The following FHOD3 variants were observed in gnomAD, a reference collection of about 807,000 sequenced individuals.
FHOD3 encodes the protein FH1/FH2 domain-containing protein 3.
In FHOD3, 90 loss-of-function variants were observed where a neutral mutation model predicts 173.0. The ratio of observed to expected loss-of-function variants is 0.52; its 90% CI spans 0.44 to 0.62. The LOEUF (loss-of-function observed/expected upper bound fraction) is 0.62. Among genes scored for constraint, FHOD3 ranks in the 20% least tolerant of loss-of-function variants. FHOD3 has a pLI of 0.00. For missense variants in FHOD3, 1,945 were observed against 2,034.7 expected, an observed-to-expected ratio of 0.96 and a Z score of 0.85; for synonymous variants, 828 against 823.0, an observed-to-expected ratio of 1.01 and a Z score of -0.10.
chr18:36,511,879 T>G (rs7245226), intron 4 of FHOD3, among the ~76,000 whole-genome samples: 88,304 of 152,040 alleles, frequency 0.58, 25,654 homozygotes, highest in East Asian at 0.62. Flanking sequence ...CAGGTTAATG[T>G]CCAACCCTGC....
chr18:36,327,665 C>A (rs507163), intron 1 of FHOD3, among the ~76,000 whole-genome samples: 1 of 152,080 alleles, frequency 6.6e-6, no homozygotes, highest in Non-Finnish European at 1.5e-5. Flanking sequence ...TCTCAAATTG[C>A]GGTTTGAACC....
At chr18:36,687,800 AT>A (rs771637950) in intron 16 of FHOD3, among the ~76,000 whole-genome samples, 1 of 152,164 alleles carries the variant, frequency 6.6e-6, no homozygotes, top group African/African-American at 2.4e-5. Flanking sequence ...AAACTACTTT[AT>A]TTCTTTTTTT....
intron 5 of FHOD3, among the ~76,000 whole-genome samples, chr18:36,547,753 C>G (rs1347945192): frequency 1.3e-5 from 2 of 152,236 alleles, no homozygotes; most frequent in South Asian, 4.1e-4. Flanking sequence ...CTGTGTTCTT[C>G]ACACCCCACA....
At chr18:36,480,276 T>G (rs2053813749) in intron 3 of FHOD3, among the ~76,000 whole-genome samples, 1 of 152,216 alleles carries the variant, frequency 6.6e-6, no homozygotes, top group Admixed American at 6.5e-5. Flanking sequence ...ATTTGCTGTG[T>G]TGGAGCATCT....
intron 1 of FHOD3, among the ~76,000 whole-genome samples, chr18:36,340,926 C>T (rs181219559): frequency 8.6e-4 from 131 of 152,262 alleles, no homozygotes; most frequent in Non-Finnish European, 1.4e-3. Context: ...CGTGAGCCAC[C>T]GCGCCCGGCC....
At chr18:36,433,629 G>T (rs1599098753) in intron 3 of FHOD3, among the ~76,000 whole-genome samples, 2 of 152,322 alleles carry the variant, frequency 1.3e-5, no homozygotes, top group East Asian at 3.9e-4. Context: ...TGAACAGAAA[G>T]TGAGAGTAAG....
chr18:36,514,876 G>C (rs1049911233), intron 5 of FHOD3, among the ~76,000 whole-genome samples: 1 of 152,238 alleles, frequency 6.6e-6, no homozygotes, highest in African/African-American at 2.4e-5. Flanking sequence ...AGCTGCACGG[G>C]AGGCTGGCAG....
At chr18:36,558,058 A>G (rs960062605) in intron 5 of FHOD3, among the ~76,000 whole-genome samples, 6 of 152,244 alleles carry the variant, frequency 3.9e-5, no homozygotes, top group Admixed American at 1.3e-4. Context: ...TTTCTTTCCA[A>G]TCCTTTTGGA....
intron 3 of FHOD3, among the ~76,000 whole-genome samples, chr18:36,468,891 C>G (rs16967887): frequency 0.027 from 4,153 of 152,212 alleles, 185 homozygotes; most frequent in African/African-American, 0.095. Flanking sequence ...ACACTGAGAA[C>G]CTTTGAGGCG....
intron 3 of FHOD3, among the ~76,000 whole-genome samples, chr18:36,448,990 C>G (rs747199905): frequency 6.6e-6 from 1 of 151,910 alleles, no homozygotes; most frequent in Non-Finnish European, 1.5e-5. Flanking sequence ...AGCCATTTCT[C>G]GGTGTCCCCT....
chr18:36,633,159 G>T (rs1416156071), intron 10 of FHOD3, among the ~76,000 whole-genome samples: 3 of 152,198 alleles, frequency 2.0e-5, no homozygotes, highest in Non-Finnish European at 4.4e-5. Context: ...TTATCTTCCA[G>T]TGTTCCTAGA....
chr18:36,392,862 A>T (rs2048368018), intron 3 of FHOD3, among the ~76,000 whole-genome samples: 1 of 152,224 alleles, frequency 6.6e-6, no homozygotes, highest in Non-Finnish European at 1.5e-5. Context: ...GCCTTCTGGT[A>T]CTTACATATC....
At chr18:36,445,735 T>C (rs1206342538) in intron 3 of FHOD3, among the ~76,000 whole-genome samples, 1 of 152,184 alleles carries the variant, frequency 6.6e-6, no homozygotes, top group Non-Finnish European at 1.5e-5. Context: ...GGCCTCTGTC[T>C]CATCTTGGGT....
intron 3 of FHOD3, among the ~76,000 whole-genome samples, chr18:36,461,336 G>T (rs935147973): frequency 6.6e-6 from 1 of 152,130 alleles, no homozygotes; most frequent in African/African-American, 2.4e-5. Context: ...AAGACTGAAA[G>T]GATTTTTTTC....
chr18:36,717,835 T>C lies in FHOD3; in HGVS notation c.2537T>C (p.Leu846Ser), dbSNP rs765522220. 8.3e-6 allele frequency: 13 copies of C among 1,563,996 alleles called. No individual in the cohort carries two copies. The Admixed American group carries it at 2.4e-4, about 29-fold the overall frequency. Residue 846 changes from leucine to serine, a missense_variant, in exon 19 of 29, where the codon TTG (leucine) becomes TCG (serine). Leu to Ser is a moderately radical substitution (Grantham distance 145, BLOSUM62 -2). Around this residue, in one of 5 missense-constraint regions of FHOD3, gnomAD observed 1,099 missense variants for 1,051.2 expected, o/e 1.05. Coordinates refer to ENST00000590592, the MANE Select transcript of FHOD3 (RefSeq NM_001281740.3). ...TTTCTCTCCCATGTACTTTCAGGTTTGTGGCCCGCAGGTGTCCAGGATGCA... is the reference window on the plus strand; with the variant it reads ...TTTCTCTCCCATGTACTTTCAGGTTCGTGGCCCGCAGGTGTCCAGGATGCA... ...DKLSRDRTTG[L>S]WPAGVQDAGV...
intron 15 of FHOD3, among the ~76,000 whole-genome samples, chr18:36,682,424 C>A (rs1189635677): frequency 6.6e-6 from 1 of 152,058 alleles, no homozygotes; most frequent in African/African-American, 2.4e-5. Context: ...ATAGCTTCTA[C>A]ATTCTTTCTT....
At chr18:36,640,771 C>T (rs2035245830) in intron 10 of FHOD3, among the ~76,000 whole-genome samples, 1 of 151,706 alleles carries the variant, frequency 6.6e-6, no homozygotes, top group Non-Finnish European at 1.5e-5. Flanking sequence ...CTGTACGCAG[C>T]CTTGTCCAAT....
At position 36,740,848 on chromosome 18, in the gene FHOD3, C is replaced by G; in HGVS notation, c.3759+10C>G. 6.2e-7 allele frequency: 1 copy of G among 1,603,104 alleles called. No individual in the cohort carries two copies. Among genetic ancestry groups the G allele is most frequent in the Non-Finnish European group, 8.5e-7 (1 of 1,176,458 alleles). ...TGAAACTACAGAAAAGGTAAGCTCTCTGTAAGAGAGGCCGCTGATCCCACA... is the reference window on the plus strand; with the variant it reads ...TGAAACTACAGAAAAGGTAAGCTCTGTGTAAGAGAGGCCGCTGATCCCACA... On this transcript the variant is annotated intron_variant, in intron 21 of 28. Transcript: ENST00000590592.
At chr18:36,778,666 C>T (rs2043866375) in intron 28 of FHOD3, 1 of 152,162 alleles carries the variant, frequency 6.6e-6, no homozygotes, top group Non-Finnish European at 1.5e-5. Context: ...AACTGCAACC[C>T]CCCAGTGAGA....
Sources: gnomAD v4.1 joint callset for allele counts (sites outside exome capture counted in the v4.1 genomes callset) on GRCh38, gnomAD v4.1.1 for gene constraint, gnomAD v4.1.1 regional missense constraint, MANE v1.5 for transcripts, NCBI Gene and HGNC (gene_info 2026-07-23, HGNC 2026-07-21) for gene names.